Variants in MYO16 observed in about 807,000 individuals in gnomAD.
MYO16 encodes the protein myosin XVI.
A neutral mutation model predicts 205.3 loss-of-function variants in MYO16; 94 were observed. The ratio of observed to expected loss-of-function variants is 0.46; its 90% CI spans 0.39 to 0.54. The LOEUF is 0.54. Ranked by LOEUF, MYO16 falls within the 20% of genes least tolerant of loss-of-function variation. The probability of loss-of-function intolerance (pLI) is 0.00; values close to 1 mark genes in which losing one functional copy is unlikely to be tolerated. For synonymous variants in MYO16, 988 were observed against 954.0 expected (o/e 1.04, Z -0.66); for missense variants, 2,315 against 2,387.5 (o/e 0.97, Z 0.63).
At chr13:108,874,747 T>A (rs1339048883) in intron 12 of MYO16, among the ~76,000 whole-genome samples, 1 of 149,966 alleles carries the variant, frequency 6.7e-6, no homozygotes, top group African/African-American at 2.4e-5. Flanking sequence ...TATGTGATCT[T>A]TTGTAAACAC....
intron 11 of MYO16, among the ~76,000 whole-genome samples, chr13:108,861,295 G>T (rs1170878720): frequency 6.6e-6 from 1 of 152,042 alleles, no homozygotes; most frequent in Admixed American, 6.6e-5. Context: ...AATCTGTTTT[G>T]TAGTATTCCT....
intron 9 of MYO16, among the ~76,000 whole-genome samples, chr13:108,832,138 G>A (rs977963490): frequency 6.9e-5 from 7 of 101,760 alleles, no homozygotes; most frequent in East Asian, 2.9e-4. Context: ...TCAATGTTCC[G>A]TATGGATTTT....
chr13:108,892,759 A>G (rs1204648076), intron 14 of MYO16, among the ~76,000 whole-genome samples: 2 of 152,242 alleles, frequency 1.3e-5, no homozygotes, highest in Non-Finnish European at 2.9e-5. Context: ...TAAATTATAT[A>G]CAATCATCTA....
chr13:108,693,835 G>GT (rs1205098934), intron 2 of MYO16, among the ~76,000 whole-genome samples: 6 of 152,102 alleles, frequency 3.9e-5, no homozygotes, highest in Non-Finnish European at 7.4e-5. Context: ...CCTAGTAGCT[G>GT]TTTTTTTGAT....
chr13:109,074,465 C>T (rs1273456497), intron 27 of MYO16, among the ~76,000 whole-genome samples: 2 of 152,162 alleles, frequency 1.3e-5, no homozygotes, highest in Admixed American at 6.5e-5. Context: ...GAGAAGCAGG[C>T]ATGTCTTATG....
At chr13:108,535,651 C>G in the MYO16 span, among the ~76,000 whole-genome samples, 1 of 152,204 alleles carries the variant, frequency 6.6e-6, no homozygotes, top group Non-Finnish European at 1.5e-5. Context: ...CCTTGAGCCC[C>G]GTAGAATGGA....
At chr13:108,750,722 G>A (rs1409667640) in intron 4 of MYO16, among the ~76,000 whole-genome samples, 2 of 152,106 alleles carry the variant, frequency 1.3e-5, no homozygotes, top group Admixed American at 6.5e-5. Flanking sequence ...CGGGGGAATC[G>A]TTTGAACCTA....
chr13:108,554,542 T>C, the MYO16 span, among the ~76,000 whole-genome samples: 2 of 152,184 alleles, frequency 1.3e-5, no homozygotes, highest in Non-Finnish European at 2.9e-5. Context: ...ACATTTATAA[T>C]ATTTTATTTG....
chr13:108,610,224 A>G (rs572471621), intron 1 of MYO16, among the ~76,000 whole-genome samples: 83 of 152,294 alleles, frequency 5.4e-4, no homozygotes, highest in African/African-American at 1.8e-3. Flanking sequence ...GAGAGTGCAC[A>G]TAAGGACTAA....
At chr13:108,972,381 T>TGG in intron 20 of MYO16, among the ~76,000 whole-genome samples, 1 of 58,230 alleles carries the variant, frequency 1.7e-5, no homozygotes, top group African/African-American at 9.4e-5. Flanking sequence ...TATATATATA[T>TGG]ATATATATAT....
chr13:108,923,187 C>G (rs527642496), intron 16 of MYO16, among the ~76,000 whole-genome samples: 1 of 152,296 alleles, frequency 6.6e-6, no homozygotes, highest in Admixed American at 6.5e-5. Context: ...AGGCCTGAGC[C>G]CCTGAAGACC....
chr13:108,679,183 C>G (rs983568560), intron 2 of MYO16, among the ~76,000 whole-genome samples: 3 of 152,158 alleles, frequency 2.0e-5, no homozygotes, highest in Non-Finnish European at 2.9e-5. Context: ...TACTTGCTGA[C>G]CCAGATTCTG....
At chr13:108,846,219 A>C (rs1002840659) in intron 10 of MYO16, among the ~76,000 whole-genome samples, 6 of 152,166 alleles carry the variant, frequency 3.9e-5, no homozygotes, top group South Asian at 2.1e-4. Flanking sequence ...TATGCCCATA[A>C]ATTTAGTAAT....
intron 14 of MYO16, among the ~76,000 whole-genome samples, chr13:108,896,964 C>G (rs1880445030): frequency 6.6e-6 from 1 of 151,806 alleles, no homozygotes; most frequent in Non-Finnish European, 1.5e-5. Flanking sequence ...TCACTGCACT[C>G]CAGCCTGGAT....
chr13:108,729,253 GA>G (rs904012385), intron 4 of MYO16, among the ~76,000 whole-genome samples: 4 of 151,922 alleles, frequency 2.6e-5, no homozygotes, highest in African/African-American at 9.7e-5. Context: ...CTCCAGAATT[GA>G]AAAAAACTAT....
chr13:108,715,168 G>A (rs373663655), intron 3 of MYO16, among the ~76,000 whole-genome samples: 34 of 152,224 alleles, frequency 2.2e-4, no homozygotes, highest in Non-Finnish European at 3.1e-4. Flanking sequence ...TGCTGACACC[G>A]GCCACCTTGC....
In MYO16 at chr13:108,964,783, T is replaced by C. The variant is rs1156945869; in HGVS notation, c.2250T>C (p.His750=). ...YFKGDMIIRR[H]TIQIAEFFRD... ...TAGGGGATATGATAATACGACGACA[T>C]ACCATACAGATTGCTGAGTTTTTCC... The change falls in exon 20 of 35, where the codon CAT becomes CAC. Residue 750 remains histidine, a synonymous_variant. Transcript: ENST00000457511. 6.2e-7 allele frequency: 1 copy of C among 1,614,170 alleles called. No individual in the cohort carries two copies. The highest frequency in any genetic ancestry group is 8.5e-7 in the Non-Finnish European group (1 of 1,180,012).
chr13:108,852,521 T>G (rs970314524), intron 10 of MYO16, among the ~76,000 whole-genome samples: 28 of 152,350 alleles, frequency 1.8e-4, no homozygotes, highest in African/African-American at 4.3e-4. Context: ...GCCAAAATTT[T>G]AAAAAAATGT....
chr13:109,091,749 A>T (rs887245928), intron 27 of MYO16, among the ~76,000 whole-genome samples: 1 of 152,122 alleles, frequency 6.6e-6, no homozygotes, highest in African/African-American at 2.4e-5. Context: ...AACTCCTACG[A>T]TATTCCATTT....
Sources: gnomAD v4.1 joint callset for allele counts (sites outside exome capture counted in the v4.1 genomes callset) on GRCh38, gnomAD v4.1.1 for gene constraint, MANE v1.5 for transcripts, NCBI Gene and HGNC (gene_info 2026-07-23, HGNC 2026-07-21) for gene names.